The following PHF24 variants were observed in gnomAD, a reference collection of about 807,000 sequenced individuals.
PHF24 encodes the protein Galpha inhibitory interacting protein.
In PHF24, 25 loss-of-function variants were observed where a neutral mutation model predicts 42.6. The observed-to-expected ratio is 0.59, with a 90% CI of 0.43 to 0.82. PHF24 has a LOEUF of 0.82. PHF24 is among the 40% of genes least tolerant of loss of function. PHF24 has a pLI of 0.00. For synonymous variants in PHF24, 185 were observed against 204.8 expected (o/e 0.90, Z 0.83); for missense variants, 470 against 538.1 (o/e 0.87, Z 1.25).
the PHF24 span, among the ~76,000 whole-genome samples, chr9:34,685,700 A>AT: frequency 6.6e-6 from 1 of 152,154 alleles, no homozygotes; most frequent in Non-Finnish European, 1.5e-5. Context: ...AATGGTACTA[A>AT]TGATACCTCA....
chr9:34,735,182 C>T, the PHF24 span, among the ~76,000 whole-genome samples: 14 of 134,672 alleles, frequency 1.0e-4, no homozygotes, highest in Non-Finnish European at 1.8e-4. Flanking sequence ...GTCGCCAGGG[C>T]TGGAGTGCAA....
chr9:34,723,887 T>A, the PHF24 span: 2 of 1,551,654 alleles, frequency 1.3e-6, no homozygotes, highest in Non-Finnish European at 1.7e-6. Flanking sequence ...GAGCTTAAGC[T>A]GAGGGTGATG....
the PHF24 span, among the ~76,000 whole-genome samples, chr9:34,697,932 G>A: frequency 6.6e-6 from 1 of 152,150 alleles, no homozygotes; most frequent in Non-Finnish European, 1.5e-5. Flanking sequence ...GAGGACAGAT[G>A]TTACCACCTA....
At chr9:34,781,396 G>C in the PHF24 span, among the ~76,000 whole-genome samples, 1 of 152,172 alleles carries the variant, frequency 6.6e-6, no homozygotes, top group Non-Finnish European at 1.5e-5. Context: ...CCTGTAATAG[G>C]CAAATTCATA....
At chr9:34,687,335 G>A in the PHF24 span, among the ~76,000 whole-genome samples, 4 of 152,186 alleles carry the variant, frequency 2.6e-5, no homozygotes, top group Non-Finnish European at 4.4e-5. Flanking sequence ...TTTGTGGGGT[G>A]TCTATGCAAA....
chr9:34,947,740 C>T, the PHF24 span, among the ~76,000 whole-genome samples: 2 of 151,992 alleles, frequency 1.3e-5, no homozygotes, highest in African/African-American at 4.8e-5. Flanking sequence ...CTGTGTAGGC[C>T]TAGGCTAATG....
chr9:34,977,872 T>A (rs774043749), intron 7 of PHF24, 143 bp from the exon 8 acceptor site: 1 of 780,646 alleles, frequency 1.3e-6, no homozygotes, highest in Non-Finnish European at 2.2e-6. Context: ...TTCCCTGAGT[T>A]TTGTGTAGCT....
the PHF24 span, among the ~76,000 whole-genome samples, chr9:34,674,627 T>A: frequency 6.6e-6 from 1 of 152,274 alleles, no homozygotes; most frequent in Admixed American, 6.5e-5. Flanking sequence ...AGTTTGCCAA[T>A]CCTAGTCTGG....
the PHF24 span, among the ~76,000 whole-genome samples, chr9:34,778,154 T>G: frequency 6.6e-6 from 1 of 152,210 alleles, no homozygotes; most frequent in South Asian, 2.1e-4. Flanking sequence ...TTTTGGTTCT[T>G]CTTAGTGGAT....
the PHF24 span, among the ~76,000 whole-genome samples, chr9:34,762,940 T>C: frequency 6.6e-6 from 1 of 152,194 alleles, no homozygotes; most frequent in African/African-American, 2.4e-5. Context: ...CCTAGCACCA[T>C]TTATTAAATA....
chr9:34,968,088 CAAAAATT>C (rs1185649676), intron 1 of PHF24, among the ~76,000 whole-genome samples: 1 of 152,166 alleles, frequency 6.6e-6, no homozygotes, highest in Non-Finnish European at 1.5e-5. Context: ...ACATACAGTA[CAAAAATT>C]AGATCATAAC....
the PHF24 span, among the ~76,000 whole-genome samples, chr9:34,906,188 T>C: frequency 6.6e-6 from 1 of 152,104 alleles, no homozygotes; most frequent in Admixed American, 6.5e-5. Context: ...TCTGAGCCAA[T>C]ATGAGTGACC....
chr9:34,928,299 T>A, the PHF24 span, among the ~76,000 whole-genome samples: 3 of 151,080 alleles, frequency 2.0e-5, no homozygotes, highest in African/African-American at 4.9e-5. Flanking sequence ...TAAAAATAAC[T>A]AAAAGAGTAT....
chr9:34,687,222 G>A, the PHF24 span, among the ~76,000 whole-genome samples: 1 of 152,240 alleles, frequency 6.6e-6, no homozygotes, highest in Non-Finnish European at 1.5e-5. Context: ...TTGAATCCAA[G>A]GCACTTCACT....
the PHF24 span, among the ~76,000 whole-genome samples, chr9:34,805,738 T>A: frequency 6.6e-6 from 1 of 152,220 alleles, no homozygotes; most frequent in African/African-American, 2.4e-5. Flanking sequence ...TCTATTTTTT[T>A]CTTTCGTTGC....
At chr9:34,816,940 G>A in the PHF24 span, among the ~76,000 whole-genome samples, 2 of 152,194 alleles carry the variant, frequency 1.3e-5, no homozygotes. Context: ...TCTCTTAGAG[G>A]TGATCATTTT....
chr9:34,918,439 C>A, the PHF24 span: 1 of 531,844 alleles, frequency 1.9e-6, no homozygotes, highest in Non-Finnish European at 3.4e-6. Context: ...GGGAATTTTT[C>A]CTATAATGAA....
the PHF24 span, among the ~76,000 whole-genome samples, chr9:34,821,613 GCTCT>G: frequency 6.6e-6 from 1 of 152,152 alleles, no homozygotes; most frequent in African/African-American, 2.4e-5. Context: ...CCTCCATCAG[GCTCT>G]CTAACGCCTG....
At chr9:34,891,011 C>T in the PHF24 span, among the ~76,000 whole-genome samples, 1 of 152,104 alleles carries the variant, frequency 6.6e-6, no homozygotes, top group African/African-American at 2.4e-5. Context: ...ATTGTGGATT[C>T]GTGAGTGATT....
Sources: allele counts gnomAD v4.1 joint callset (sites outside exome capture counted in the v4.1 genomes callset), GRCh38; gene constraint gnomAD v4.1.1; transcripts MANE v1.5; gene names NCBI Gene and HGNC (gene_info 2026-07-23, HGNC 2026-07-21).